Variants in SLC35F1 observed in about 807,000 individuals in gnomAD.
SLC35F1 encodes solute carrier family 35 member F1, also known as chromosome 6 open reading frame 169.
A neutral mutation model predicts 48.7 loss-of-function variants in SLC35F1; 14 were observed. The ratio of observed to expected loss-of-function variants is 0.29; its 90% CI spans 0.19 to 0.45. SLC35F1 has a LOEUF of 0.45. Among genes scored for constraint, SLC35F1 ranks in the 20% least tolerant of loss-of-function variants. The probability of loss-of-function intolerance (pLI) is 1.00; values close to 1 mark genes in which losing one functional copy is unlikely to be tolerated. For missense variants in SLC35F1, 404 were observed against 500.0 expected (o/e 0.81, Z 1.83); for synonymous variants, 190 against 202.2 (o/e 0.94, Z 0.51).
At chr6:118,309,207 G>C (rs1274711929) in intron 7 of SLC35F1, among the ~76,000 whole-genome samples, 1 of 144,576 alleles carries the variant, frequency 6.9e-6, no homozygotes, top group African/African-American at 2.6e-5. Context: ...GTGTGTGCGT[G>C]TGTGTATTTT....
chr6:118,167,464 G>A (rs1272572350), intron 2 of SLC35F1, among the ~76,000 whole-genome samples: 2 of 152,030 alleles, frequency 1.3e-5, no homozygotes, highest in Non-Finnish European at 2.9e-5. Flanking sequence ...TGCTCCTGGG[G>A]TACAAACTTG....
intron 1 of SLC35F1, among the ~76,000 whole-genome samples, chr6:117,950,650 C>T (rs780631291): frequency 3.3e-5 from 5 of 152,140 alleles, no homozygotes; most frequent in Admixed American, 2.6e-4. Flanking sequence ...TCTTGGCACA[C>T]ATAGCCACAG....
At chr6:118,082,041 C>T (rs1017285178) in intron 1 of SLC35F1, among the ~76,000 whole-genome samples, 4 of 152,160 alleles carry the variant, frequency 2.6e-5, no homozygotes, top group Non-Finnish European at 5.9e-5. Context: ...CATTTTCTTT[C>T]TTTAAAGAAG....
chr6:118,234,383 G>T (rs1469541051), intron 2 of SLC35F1, among the ~76,000 whole-genome samples: 2 of 152,094 alleles, frequency 1.3e-5, no homozygotes, highest in Non-Finnish European at 2.9e-5. Context: ...CTCATTGTTT[G>T]TCCTGGGACA....
chr6:117,911,694 C>A (rs528416663), intron 1 of SLC35F1, among the ~76,000 whole-genome samples: 1 of 152,236 alleles, frequency 6.6e-6, no homozygotes, highest in Non-Finnish European at 1.5e-5. Flanking sequence ...CACCCTCCCA[C>A]CTTGGCCTTC....
At chr6:118,156,650 T>C (rs1281539599) in intron 2 of SLC35F1, among the ~76,000 whole-genome samples, 12 of 101,066 alleles carry the variant, frequency 1.2e-4, no homozygotes, top group Non-Finnish European at 2.3e-4. Context: ...ACATGTACCC[T>C]AGAACTGAAA....
rs150782692 is a variant in SLC35F1, at chr6:118,007,347, T to C, written c.173+99448T>C. 4.0e-3 allele frequency among the ~76,000 whole-genome samples: 616 copies of C among 152,304 alleles called. 2 individuals are homozygous for C. The highest frequency in any genetic ancestry group is 0.02 in the Middle Eastern group (6 of 294). ...TACTGTCACATTGGGAATTAAATTT[T>C]AACATGAGTTTTGGAGGGGAGAAAT... On this transcript the variant is annotated intron_variant, in intron 1 of 7. Transcript: ENST00000360388.
intron 1 of SLC35F1, among the ~76,000 whole-genome samples, chr6:118,032,267 T>G (rs1772065035): frequency 6.6e-6 from 1 of 152,002 alleles, no homozygotes; most frequent in African/African-American, 2.4e-5. Context: ...GCAGAAAAAA[T>G]GAGGGTGGAC....
chr6:118,179,145 C>A (rs891019329), intron 2 of SLC35F1, among the ~76,000 whole-genome samples: 2 of 152,020 alleles, frequency 1.3e-5, no homozygotes, highest in Non-Finnish European at 2.9e-5. Flanking sequence ...CTTTTGTATT[C>A]ATCAGTGTTC....
chr6:117,947,378 GC>G (rs1260043881), intron 1 of SLC35F1, among the ~76,000 whole-genome samples: 2 of 152,124 alleles, frequency 1.3e-5, no homozygotes, highest in Admixed American at 6.6e-5. Context: ...TTGGAGAAGG[GC>G]CCCGCAAACC....
At chr6:118,193,966 A>G (rs1367158351) in intron 2 of SLC35F1, among the ~76,000 whole-genome samples, 5 of 152,362 alleles carry the variant, frequency 3.3e-5, no homozygotes, top group African/African-American at 9.6e-5. Flanking sequence ...CAAAAGTCAC[A>G]TGAACTAAAA....
chr6:117,997,311 A>C (rs1219962639), intron 1 of SLC35F1, among the ~76,000 whole-genome samples: 1 of 152,228 alleles, frequency 6.6e-6, no homozygotes, highest in Non-Finnish European at 1.5e-5. Context: ...GTGTACCTGA[A>C]AGTGACTGGG....
chr6:118,019,846 TTCTA>T (rs1777371699), intron 1 of SLC35F1, among the ~76,000 whole-genome samples: 1 of 152,182 alleles, frequency 6.6e-6, no homozygotes, highest in African/African-American at 2.4e-5. Context: ...ATATATACCT[TTCTA>T]GTAGTTCTGT....
At chr6:117,928,032 G>A (rs1451475501) in intron 1 of SLC35F1, among the ~76,000 whole-genome samples, 1 of 152,126 alleles carries the variant, frequency 6.6e-6, no homozygotes, top group Non-Finnish European at 1.5e-5. Flanking sequence ...GCATTTGGCA[G>A]GGTTTCCTTC....
At chr6:118,054,402 T>C (rs1562276106) in intron 1 of SLC35F1, among the ~76,000 whole-genome samples, 1 of 152,178 alleles carries the variant, frequency 6.6e-6, no homozygotes, top group Non-Finnish European at 1.5e-5. Flanking sequence ...ATAATGCAAT[T>C]TCAGAATGTT....
At chr6:118,035,616 CAA>C (rs772243116) in intron 1 of SLC35F1, among the ~76,000 whole-genome samples, 2 of 95,888 alleles carry the variant, frequency 2.1e-5, no homozygotes, top group African/African-American at 3.7e-5. Context: ...CTCCGTCTCA[CAA>C]AAAAAAAACA....
intron 3 of SLC35F1, 128 bp downstream of exon 3, chr6:118,235,764 G>A: frequency 2.3e-6 from 2 of 852,396 alleles, no homozygotes; most frequent in East Asian, 5.9e-5. Flanking sequence ...ACAGACTGCA[G>A]TATACAGATT....
chr6:118,290,043 C>T (rs1174791316), intron 7 of SLC35F1, among the ~76,000 whole-genome samples: 1 of 152,158 alleles, frequency 6.6e-6, no homozygotes, highest in Non-Finnish European at 1.5e-5. Flanking sequence ...CCAATGGCAT[C>T]CACCCAGTAG....
At chr6:118,121,038 G>T (rs1773546370) in intron 1 of SLC35F1, among the ~76,000 whole-genome samples, 1 of 151,958 alleles carries the variant, frequency 6.6e-6, no homozygotes, top group African/African-American at 2.4e-5. Context: ...CTTTTTCAAA[G>T]AAGATAGGGT....
Sources: allele counts gnomAD v4.1 joint callset (sites outside exome capture counted in the v4.1 genomes callset), GRCh38; gene constraint gnomAD v4.1.1; transcripts MANE v1.5; gene names NCBI Gene and HGNC (gene_info 2026-07-23, HGNC 2026-07-21).